The following NEXMIF variants were observed in gnomAD, a reference collection of about 807,000 sequenced individuals.
The protein encoded by NEXMIF is XLMR protein related to neurite extension.
NEXMIF carries 8 observed loss-of-function variants against 62.1 expected under a neutral mutation model. The ratio of observed to expected loss-of-function variants is 0.13; its 90% confidence interval spans 0.08 to 0.23. The LOEUF (loss-of-function observed/expected upper bound fraction) is 0.23. Among genes scored for constraint, NEXMIF ranks in the 10% least tolerant of loss-of-function variants. The pLI, the probability that NEXMIF is intolerant of heterozygous loss-of-function variation, is 1.00. For synonymous variants in NEXMIF, 404 were observed against 416.6 expected (o/e 0.97, Z 0.37); for missense variants, 976 against 1,113.3 (o/e 0.88, Z 1.75).
chrX:74,887,958 A>C (rs1397089319), intron 1 of NEXMIF, among the ~76,000 whole-genome samples: 2 of 112,181 alleles, frequency 1.8e-5, no homozygotes, highest in African/African-American at 6.5e-5. Context: ...ATGGAATACT[A>C]TGCAGCTATA....
chrX:74,824,883 C>T (rs964399220), intron 1 of NEXMIF, among the ~76,000 whole-genome samples: 1 of 110,694 alleles, frequency 9.0e-6, no homozygotes. Flanking sequence ...CTCCTGACGT[C>T]GTGATCCGCC....
intron 1 of NEXMIF, among the ~76,000 whole-genome samples, chrX:74,842,422 C>T (rs1207391091): frequency 9.0e-6 from 1 of 111,646 alleles, no homozygotes; most frequent in African/African-American, 3.3e-5. Flanking sequence ...TTCCAAGAAA[C>T]AAACTTCTGG....
chrX:74,840,043 T>C (rs1246297959), intron 1 of NEXMIF, among the ~76,000 whole-genome samples: 1 of 111,905 alleles, frequency 8.9e-6, no homozygotes, highest in Non-Finnish European at 1.9e-5. Flanking sequence ...AGTGTATAAG[T>C]GTTTCCTTTT....
At chrX:74,862,999 G>A (rs929773709) in intron 1 of NEXMIF, among the ~76,000 whole-genome samples, 7 of 109,722 alleles carry the variant, frequency 6.4e-5, no homozygotes, top group African/African-American at 2.3e-4. Context: ...GGTGAAACTC[G>A]GTCCCTACAA....
At chrX:74,776,932 G>C (rs1246329169) in intron 1 of NEXMIF, among the ~76,000 whole-genome samples, 1 of 110,793 alleles carries the variant, frequency 9.0e-6, no homozygotes, top group East Asian at 2.8e-4. Context: ...TGCTATTTTA[G>C]CAGCTGCTGA....
intron 1 of NEXMIF, among the ~76,000 whole-genome samples, chrX:74,768,630 T>C (rs931400581): frequency 2.7e-5 from 3 of 111,647 alleles, no homozygotes; most frequent in African/African-American, 9.8e-5. Flanking sequence ...AAGAAGAGCA[T>C]AGGGAAAACA....
chrX:74,749,575 C>T (rs1020208614), intron 1 of NEXMIF, among the ~76,000 whole-genome samples: 1 of 110,473 alleles, frequency 9.1e-6, no homozygotes, highest in African/African-American at 3.3e-5. Flanking sequence ...ACTTGATATT[C>T]TCTCTGTTTG....
chrX:74,742,225 C>A lies in NEXMIF; in HGVS notation c.2332G>T (p.Glu778Ter), dbSNP rs774858272. ...SNSSRLSEFH[E>*]AKAAKSSTFL... The stretch of plus-strand genomic sequence containing the variant: ...GTGGAACTCTTAGCAGCCTTTGCCT[C>A]ATGAAATTCAGATAGACGGGAACTG... Residue 778 changes from glutamate (E) to a stop codon, truncating the protein, a stop_gained, in exon 3 of 4, where the codon GAG becomes TAG. Coordinates refer to ENST00000055682, the MANE Select transcript of NEXMIF (RefSeq NM_001008537.3). LOFTEE classifies it high-confidence loss of function. 2.5e-6 allele frequency: 3 copies of A among 1,209,174 alleles called. No individual in the cohort carries two copies. The highest frequency in any genetic ancestry group is 3.4e-6 in the Non-Finnish European group (3 of 894,541).
At chrX:74,779,230 TA>T (rs2080238123) in intron 1 of NEXMIF, among the ~76,000 whole-genome samples, 1 of 112,461 alleles carries the variant, frequency 8.9e-6, no homozygotes, top group Non-Finnish European at 1.9e-5. Flanking sequence ...ACTGATTGAG[TA>T]AGACGTAATC....
At chrX:74,846,362 C>A (rs1399197041) in intron 1 of NEXMIF, among the ~76,000 whole-genome samples, 2 of 112,097 alleles carry the variant, frequency 1.8e-5, no homozygotes, top group East Asian at 5.6e-4. Context: ...AATTTTAAGG[C>A]CTTGCATAAA....
chrX:74,796,255 T>A (rs964327950), intron 1 of NEXMIF, among the ~76,000 whole-genome samples: 35 of 28,817 alleles, frequency 1.2e-3, no homozygotes, highest in Admixed American at 4.5e-3. Context: ...CACATATATA[T>A]TATATATATT....
At chrX:74,770,827 GT>G (rs2080207964) in intron 1 of NEXMIF, among the ~76,000 whole-genome samples, 1 of 111,915 alleles carries the variant, frequency 8.9e-6, no homozygotes, top group Non-Finnish European at 1.9e-5. Context: ...CTCAGCTTCA[GT>G]TTTTTATTTA....
chrX:74,873,647 C>T (rs979810868), intron 1 of NEXMIF, among the ~76,000 whole-genome samples: 1 of 111,802 alleles, frequency 8.9e-6, no homozygotes, highest in African/African-American at 3.3e-5. Context: ...TCCTCTCCAG[C>T]ACCTGTTGTT....
At chrX:74,749,996 T>G (rs926960712) in intron 1 of NEXMIF, among the ~76,000 whole-genome samples, 4 of 111,838 alleles carry the variant, frequency 3.6e-5, no homozygotes, top group Non-Finnish European at 1.9e-5. Context: ...TAAACTGAAA[T>G]ATACTGTGGA....
chrX:74,841,074 TATG>T (rs2080472384), intron 1 of NEXMIF, among the ~76,000 whole-genome samples: 1 of 112,164 alleles, frequency 8.9e-6, no homozygotes, highest in Non-Finnish European at 1.9e-5. Context: ...CTTTGGGCAG[TATG>T]ATAATTTTAA....
chrX:74,867,269 G>GA (rs1239684049), intron 1 of NEXMIF, among the ~76,000 whole-genome samples: 4 of 111,632 alleles, frequency 3.6e-5, no homozygotes, highest in Admixed American at 9.5e-5. Flanking sequence ...CACAAAAGTA[G>GA]AAAAAACTAC....
intron 1 of NEXMIF, among the ~76,000 whole-genome samples, chrX:74,870,766 C>A (rs1243859962): frequency 8.9e-6 from 1 of 111,842 alleles, no homozygotes; most frequent in African/African-American, 3.2e-5. Context: ...AATAAGATAT[C>A]ATCTCACACC....
At chrX:74,876,585 G>C (rs1337506321) in intron 1 of NEXMIF, among the ~76,000 whole-genome samples, 18 of 103,348 alleles carry the variant, frequency 1.7e-4, no homozygotes, top group Non-Finnish European at 3.0e-4. Context: ...AATGTTGACA[G>C]TGGGGTGTTA....
Position 74,913,240 on chromosome X carries a change from C to T in NEXMIF, c.-48+11643G>A, listed in dbSNP as rs144103711. ...GTAACAAACGAAAAATAGAAAGTCT[C>T]ATAAATATAATAATCAAAACATAAA... On this transcript the variant is annotated intron_variant, in intron 1 of 3. Coordinates refer to ENST00000055682, the MANE Select transcript of NEXMIF (RefSeq NM_001008537.3). 3.4e-4 allele frequency among the ~76,000 whole-genome samples: 38 copies of T among 111,725 alleles called. No homozygotes were observed. The East Asian group carries it at 9.0e-3, about 26-fold the overall frequency.
Sources: gnomAD v4.1 joint callset for allele counts (sites outside exome capture counted in the v4.1 genomes callset) on GRCh38, gnomAD v4.1.1 for gene constraint, MANE v1.5 for transcripts, NCBI Gene and HGNC (gene_info 2026-07-23, HGNC 2026-07-21) for gene names.